Variants in TAF5L observed in about 807,000 individuals in gnomAD.
The protein encoded by TAF5L is TATA-box binding protein associated factor 5 like, also known as TAF5-like RNA polymerase II p300/CBP-associated factor-associated factor 65 kDa subunit 5L.
Under a neutral mutation model 51.3 loss-of-function variants are expected in TAF5L, and 7 were observed. The ratio of observed to expected loss-of-function variants is 0.14; its 90% CI spans 0.08 to 0.26. The LOEUF is 0.26. Among genes scored for constraint, TAF5L ranks in the 10% least tolerant of loss-of-function variants. The pLI is 1.00. For synonymous variants in TAF5L, 291 were observed against 308.1 expected (o/e 0.94, Z 0.58); for missense variants, 575 against 758.9 (o/e 0.76, Z 2.85).
Position 229,610,331 on chromosome 1 carries a change from CAG to C in TAF5L, c.143-123_143-122del. 4.5e-6 allele frequency: 4 copies of C among 880,508 alleles called. No homozygotes were observed. In the South Asian group the frequency reaches 6.5e-5, roughly 14 times the overall value. 54.5% of individuals were successfully genotyped at this position (880,508 alleles called of 1,614,324 possible). A position where few individuals can be genotyped will look rare whatever the true frequency, so the allele number is the denominator to read the frequency against. ...ACACGCACAGCAACTGACATTTCAG[CAG>C]GTTTCCAAAGCATGCTGGGTCCTGG... On this transcript the variant is annotated intron_variant, in intron 2 of 4. Coordinates refer to ENST00000258281, the Ensembl canonical transcript of TAF5L.
chr1:229,606,612 T>A (rs1664604678), intron 3 of TAF5L: 1 of 985,336 alleles, frequency 1.0e-6, no homozygotes, highest in East Asian at 1.1e-4. Flanking sequence ...CCACACTACT[T>A]GGTCCTGTCG....
At chr1:229,599,556 C>T (rs1664284618) in intron 4 of TAF5L, 1 of 156,594 alleles carries the variant, frequency 6.4e-6, no homozygotes, top group African/African-American at 2.4e-5. Context: ...TTATGACTGG[C>T]TTCTTTCACG....
At chr1:229,616,378 T>A (rs1427084374) in intron 1 of TAF5L, among the ~76,000 whole-genome samples, 1 of 151,818 alleles carries the variant, frequency 6.6e-6, no homozygotes, top group African/African-American at 2.4e-5. Flanking sequence ...ATTTATATTT[T>A]TTTTTTTAGT....
In TAF5L at chr1:229,605,905, C is replaced by A. The variant is rs140814316; in HGVS notation, c.248-2986G>T. ...TTCCTTAAAGTAAACCTCTACATAT[C>A]CATCCTGTTGGCTCTTGGCTGTTTC... is the stretch of plus-strand genomic sequence containing the variant. On this transcript the variant is annotated intron_variant, in intron 3 of 4. Transcript: ENST00000258281. Among the ~76,000 whole-genome samples, 458 of 152,306 alleles carry A rather than the reference C, an allele frequency of 3.0e-3. 3 individuals carry two copies. The highest frequency in any genetic ancestry group is 0.01 in the African/African-American group (433 of 41,576).
chr1:229,608,796 T>C (rs1664688964), intron 3 of TAF5L, among the ~76,000 whole-genome samples: 1 of 151,828 alleles, frequency 6.6e-6, no homozygotes. Flanking sequence ...AGGCCTGGAG[T>C]TTGAAACCAG....
chr1:229,612,781 A>G (rs939403375), intron 2 of TAF5L, among the ~76,000 whole-genome samples: 1 of 152,198 alleles, frequency 6.6e-6, no homozygotes, highest in African/African-American at 2.4e-5. Context: ...TGCGGCTACT[A>G]GGATGGAGGA....
At chr1:229,603,754 A>T (rs146177767) in intron 3 of TAF5L, among the ~76,000 whole-genome samples, 48 of 152,380 alleles carry the variant, frequency 3.2e-4, no homozygotes, top group African/African-American at 1.1e-3. Context: ...TACAGCTTGA[A>T]TTCATGGGTG....
At chr1:229,610,082 A>G (rs1355422202) in intron 3 of TAF5L, 24 bp downstream of exon 3, 2 of 1,607,734 alleles carry the variant, frequency 1.2e-6, no homozygotes, top group Admixed American at 1.7e-5. Context: ...TTAAAAAGAA[A>G]AGGTTCTAGA....
chr1:229,620,360 T>TACAC (rs1405932623), intron 1 of TAF5L, among the ~76,000 whole-genome samples: 2 of 152,196 alleles, frequency 1.3e-5, no homozygotes, highest in African/African-American at 4.8e-5. Flanking sequence ...TGCCCGACTC[T>TACAC]ACAAATCACT....
chr1:229,620,761 T>C (rs2151693), intron 1 of TAF5L, among the ~76,000 whole-genome samples: 66,364 of 151,980 alleles, frequency 0.44, 15,013 homozygotes, highest in East Asian at 0.74. Context: ...GAATGGCTCT[T>C]TACATTACTT....
At position 229,602,941 on chromosome 1, in the gene TAF5L, G is replaced by A; in HGVS notation, c.248-22C>T. ...GAATCTATAATGAAAGAAAAAGAAG[G>A]CTTTATAATCAGCATAATCTTACAG... is the stretch of plus-strand genomic sequence containing the variant. On this transcript the variant is annotated intron_variant, in intron 3 of 4. Coordinates refer to ENST00000258281, the Ensembl canonical transcript of TAF5L. This position sits in a 1 kb window ranked among gnomAD's most constrained non-coding sequence, Gnocchi z 4.6. The A allele has an allele frequency of 1.3e-6, 2 of 1,565,306 alleles. No homozygotes were observed. Among genetic ancestry groups the A allele is most frequent in the Non-Finnish European group, 1.7e-6 (2 of 1,164,844 alleles).
chr1:229,601,581 G>A (rs190385630), intron 4 of TAF5L: 4 of 985,986 alleles, frequency 4.1e-6, no homozygotes, highest in East Asian at 1.1e-4. Flanking sequence ...TGACTGACGG[G>A]GGGAGGGGAG....
intron 3 of TAF5L, among the ~76,000 whole-genome samples, chr1:229,604,913 GTTCCC>G (rs765565496): frequency 1.3e-5 from 2 of 151,812 alleles, no homozygotes; most frequent in Non-Finnish European, 1.5e-5. Context: ...TTCCTTTCTC[GTTCCC>G]TTATCATGGA....
At chr1:229,600,091 T>C (rs940675384) in intron 4 of TAF5L, 3 of 980,240 alleles carry the variant, frequency 3.1e-6, no homozygotes, top group Middle Eastern at 1.0e-3. Context: ...TAATAGTCTG[T>C]TTTAATTATG....
rs552582894 is a variant in TAF5L, at chr1:229,612,160, C to A, written c.143-1950G>T. 3.3e-5 allele frequency among the ~76,000 whole-genome samples: 5 copies of A among 152,330 alleles called. No individual in the cohort carries two copies. In the South Asian group the frequency reaches 1.0e-3, roughly 32 times the overall value. ...CTAAATGTCTGCTGAAAAAAGAATT[C>A]TTCAGATTACTCAATTAATGGAAAA... On this transcript the variant is annotated intron_variant, in intron 2 of 4. Coordinates refer to ENST00000258281, the Ensembl canonical transcript of TAF5L.
chr1:229,625,914 C>G lies in TAF5L; in HGVS notation c.-33G>C, dbSNP rs965155694. Reference sequence around the variant, plus strand: ...CATCCCAGGCGGCTCCGGCTCCCCCCGCCGCCGCCGCCTCCGGGATCGGGT... The same window carrying G: ...CATCCCAGGCGGCTCCGGCTCCCCCGGCCGCCGCCGCCTCCGGGATCGGGT... On this transcript the variant is annotated 5_prime_UTR_variant, in exon 1 of 5. Coordinates refer to ENST00000258281, the Ensembl canonical transcript of TAF5L. The surrounding 1 kb of genome is among the most constrained non-coding windows in gnomAD (Gnocchi z 4.0). The G allele has an allele frequency of 1.8e-4, 27 of 148,130 alleles. No individual in the cohort carries two copies. Among genetic ancestry groups the G allele is most frequent in the Non-Finnish European group, 3.6e-4 (24 of 66,332 alleles). The allele number at this position is 148,130 out of a possible 1,614,324, so 9.2% of individuals were successfully genotyped here.
intron 1 of TAF5L, among the ~76,000 whole-genome samples, chr1:229,623,101 A>C (rs1044591295): frequency 6.6e-6 from 1 of 152,118 alleles, no homozygotes; most frequent in African/African-American, 2.4e-5. Context: ...ACATGGTGAA[A>C]TCCCATCTCC....
chr1:229,597,358 G>A (rs937933307), intron 4 of TAF5L, among the ~76,000 whole-genome samples: 3 of 152,250 alleles, frequency 2.0e-5, no homozygotes, highest in East Asian at 1.9e-4. Flanking sequence ...TGGGCTGGGA[G>A]TCCAGCTGGT....
exon 5 of TAF5L, chr1:229,593,435 T>C (rs1663992320): frequency 6.6e-6 from 1 of 152,174 alleles, no homozygotes; most frequent in Non-Finnish European, 1.5e-5. Context: ...TATCATAATC[T>C]TTCTTTTGAG....
Sources: allele counts gnomAD v4.1 joint callset (sites outside exome capture counted in the v4.1 genomes callset), GRCh38; gene constraint gnomAD v4.1.1; non-coding constraint Gnocchi (gnomAD v3.1); transcripts MANE v1.5; gene names NCBI Gene and HGNC (gene_info 2026-07-23, HGNC 2026-07-21).